Variants in ITGB2 observed in about 807,000 individuals in gnomAD.
The protein encoded by ITGB2 is integrin beta-2.
ITGB2 carries 56 observed loss-of-function variants against 86.8 expected under a neutral mutation model. The observed-to-expected ratio is 0.65, with a 90% CI of 0.52 to 0.81. The LOEUF is 0.81. Ranked by LOEUF, ITGB2 falls within the 30% of genes least tolerant of loss-of-function variation. The pLI, the probability that ITGB2 is intolerant of heterozygous loss-of-function variation, is 0.00. For synonymous variants in ITGB2, 457 were observed against 450.4 expected, an observed-to-expected ratio of 1.01 and a Z score of -0.19; for missense variants, 948 against 1,061.2, an observed-to-expected ratio of 0.89 and a Z score of 1.48.
At chr21:44,899,427 G>A (rs1020366895) in intron 7 of ITGB2, among the ~76,000 whole-genome samples, 3 of 152,200 alleles carry the variant, frequency 2.0e-5, no homozygotes, top group Non-Finnish European at 4.4e-5. Context: ...GGATGTCCAC[G>A]GGGGCAGAAT....
rs1385103374 is a variant in ITGB2, at chr21:44,901,745, A to G, written c.500-12T>C. 12 of 1,604,152 alleles carry G rather than the reference A, an allele frequency of 7.5e-6. No individual in the cohort carries two copies. The highest frequency in any genetic ancestry group is 9.4e-6 in the Non-Finnish European group (11 of 1,172,202). ...GAAGGACCCGAAGCCTGCAGGGCAC[A>G]TGGAGGGGCTGGGGAGGTGGCAGGC... On this transcript the variant is annotated splice_polypyrimidine_tract_variant and intron_variant, in intron 5 of 15. Transcript: ENST00000652462.
intron 14 of ITGB2, among the ~76,000 whole-genome samples, chr21:44,887,556 G>C (rs1459974258): frequency 6.6e-6 from 1 of 151,604 alleles, no homozygotes; most frequent in Non-Finnish European, 1.5e-5. Context: ...CTCACTCCCT[G>C]TGGTTGCTCC....
chr21:44,905,571 C>G (rs572638390), intron 4 of ITGB2, among the ~76,000 whole-genome samples: 6 of 152,198 alleles, frequency 3.9e-5, no homozygotes, highest in Non-Finnish European at 5.9e-5. Flanking sequence ...TGAAGTGGGG[C>G]GTGGGGAAAA....
In ITGB2 at chr21:44,889,133, G is replaced by T. The variant is rs769077580; in HGVS notation, c.1877+143C>A. On this transcript the variant is annotated intron_variant, in intron 13 of 15. Transcript: ENST00000652462. ...GGGACACAGGGGCACGGCGGCCGCGGAGGGCCCCTCAGTCCAGACGCACCC... is the reference window on the plus strand; with the variant it reads ...GGGACACAGGGGCACGGCGGCCGCGTAGGGCCCCTCAGTCCAGACGCACCC... 325 of 812,202 alleles carry T rather than the reference G, an allele frequency of 4.0e-4. 1 individual carries two copies. Among genetic ancestry groups the T allele is most frequent in the Non-Finnish European group, 5.5e-4 (275 of 503,760 alleles). The allele number at this position is 812,202 out of a possible 1,614,324, so 50.3% of individuals were successfully genotyped here. A position where few individuals can be genotyped will look rare whatever the true frequency, so the allele number is the denominator to read the frequency against.
intron 4 of ITGB2, 49 bp from the exon 5 acceptor site, chr21:44,903,584 G>A (rs762572123): frequency 1.2e-6 from 2 of 1,608,602 alleles, no homozygotes; most frequent in African/African-American, 1.3e-5. Flanking sequence ...ATCTCACACA[G>A]GGTGTCTGGG....
intron 8 of ITGB2, among the ~76,000 whole-genome samples, chr21:44,898,059 A>G (rs986360311): frequency 1.3e-5 from 2 of 151,520 alleles, no homozygotes; most frequent in East Asian, 1.9e-4. Flanking sequence ...TGGGGGTGTC[A>G]TTGTTCCTGG....
At chr21:44,910,992 C>A (rs968983320) in intron 1 of ITGB2, 1 of 598,334 alleles carries the variant, frequency 1.7e-6, no homozygotes, top group South Asian at 1.9e-5. Context: ...GCAGTGCGGG[C>A]AGCACACCTG....
chr21:44,906,786 C>T, intron 4 of ITGB2, 129 bp downstream of exon 4: 1 of 961,622 alleles, frequency 1.0e-6, no homozygotes, highest in Non-Finnish European at 1.6e-6. Context: ...TTCACTGGCC[C>T]ACACACCCGT....
At chr21:44,907,124 G>A in intron 3 of ITGB2, 29 bp from the exon 4 acceptor site, 2 of 1,546,890 alleles carry the variant, frequency 1.3e-6, no homozygotes, top group African/African-American at 1.4e-5. Flanking sequence ...GGGTCAGGAG[G>A]GGGCCACACT....
intron 1 of ITGB2, among the ~76,000 whole-genome samples, chr21:44,919,702 C>A (rs755260341): frequency 6.6e-6 from 1 of 152,246 alleles, no homozygotes; most frequent in African/African-American, 2.4e-5. Context: ...GGCCATCCCC[C>A]CCCTTCCCCA....
chr21:44,895,152 C>G, intron 8 of ITGB2, 92 bp from the exon 9 acceptor site: 1 of 930,772 alleles, frequency 1.1e-6, no homozygotes, highest in East Asian at 2.4e-5. Context: ...TCTGCACCTG[C>G]AAAATGGCTG....
intron 6 of ITGB2, 58 bp from the exon 7 acceptor site, chr21:44,900,533 C>G (rs1432950918): frequency 6.2e-7 from 1 of 1,605,546 alleles, no homozygotes; most frequent in African/African-American, 1.3e-5. Flanking sequence ...ACCCGGCCCT[C>G]TGGAGCAGAG....
At chr21:44,888,553 G>A (rs571400202) in intron 14 of ITGB2, 140 bp downstream of exon 14, 2 of 963,486 alleles carry the variant, frequency 2.1e-6, no homozygotes, top group Non-Finnish European at 1.6e-6. Flanking sequence ...GCAATGCCAA[G>A]GGCATCCCGC....
At chr21:44,921,252 C>G (rs5030666), upstream of ITGB2, 1 of 152,174 alleles carries the variant, frequency 6.6e-6, no homozygotes. Context: ...TGCTACAGAG[C>G]GGAATGAAAA....
rs1030654033 is a variant in ITGB2, at chr21:44,890,782, A to G, written c.1413-560T>C. On this transcript the variant is annotated intron_variant, in intron 11 of 15. Coordinates refer to ENST00000652462, the MANE Select transcript of ITGB2 (RefSeq NM_000211.5). ...ACTGCCACGGGCTCTCCTGCTCCCC[A>G]GAGGAGGAAGCTGCAGGACCGAGTG... is the stretch of plus-strand genomic sequence containing the variant. Among the ~76,000 whole-genome samples, 4 of 152,060 alleles carry G rather than the reference A, an allele frequency of 2.6e-5. No homozygotes were observed. The South Asian group carries it at 8.3e-4, about 32-fold the overall frequency.
chr21:44,902,551 G>A (rs2083977791), intron 5 of ITGB2, among the ~76,000 whole-genome samples: 1 of 152,012 alleles, frequency 6.6e-6, no homozygotes, highest in South Asian at 2.1e-4. Flanking sequence ...ATGCATTCAC[G>A]TGTGTGTGCA....
chr21:44,892,604 C>CAACAAAAAAAA (rs2083803363), intron 10 of ITGB2, among the ~76,000 whole-genome samples: 1 of 71,144 alleles, frequency 1.4e-5, no homozygotes, highest in African/African-American at 5.5e-5. Context: ...AACTCCATCT[C>CAACAAAAAAAA]AAAAAAAAAA....
chr21:44,906,210 T>A (rs1479033503), intron 4 of ITGB2, among the ~76,000 whole-genome samples: 1 of 144,062 alleles, frequency 6.9e-6, no homozygotes, highest in Non-Finnish European at 1.5e-5. Context: ...TTCTTTTCAT[T>A]TTGAGACAGA....
At chr21:44,894,487 C>T (rs1458259093) in intron 9 of ITGB2, 2 of 234,894 alleles carry the variant, frequency 8.5e-6, no homozygotes, top group Non-Finnish European at 1.7e-5. Context: ...GCCCAGGGTG[C>T]AGCTCGATGG....
Sources: allele counts gnomAD v4.1 joint callset (sites outside exome capture counted in the v4.1 genomes callset), GRCh38; gene constraint gnomAD v4.1.1; transcripts MANE v1.5; gene names NCBI Gene and HGNC (gene_info 2026-07-23, HGNC 2026-07-21).